Variants in ADAMTSL1 observed in about 807,000 individuals in gnomAD.
ADAMTSL1 encodes ADAMTS-like protein 1.
Under a neutral mutation model 201.8 loss-of-function variants are expected in ADAMTSL1, and 126 were observed. That is an observed-to-expected ratio of 0.62 (90% CI 0.54 to 0.72). The LOEUF is 0.72. ADAMTSL1 is among the 30% of genes least tolerant of loss of function. The probability of loss-of-function intolerance (pLI) is 0.00; values close to 1 mark genes in which losing one functional copy is unlikely to be tolerated. For synonymous variants in ADAMTSL1, 1,121 were observed against 903.4 expected (o/e 1.24, Z -4.32); for missense variants, 2,679 against 2,277.8 (o/e 1.18, Z -3.59).
At chr9:18,501,024 T>C (rs998729602) in intron 1 of ADAMTSL1, among the ~76,000 whole-genome samples, 2 of 152,188 alleles carry the variant, frequency 1.3e-5, no homozygotes, top group Non-Finnish European at 1.5e-5. Context: ...CGAAAATCAT[T>C]GAAAAACATT....
rs1488639600 is a variant in ADAMTSL1, at chr9:18,905,734, C to T, written c.4852-48C>T. On this transcript the variant is annotated intron_variant, in intron 26 of 28. Coordinates refer to ENST00000380548, the MANE Select transcript of ADAMTSL1 (RefSeq NM_001040272.6). ...TGCAGCCCAAGCACGGCGGCCTCCA[C>T]CCTTGACTTGGCTAATGTGCGGTAT... The T allele has an allele frequency of 2.0e-5, 30 of 1,514,616 alleles. No homozygotes were observed. In the Middle Eastern group the frequency reaches 7.1e-4, roughly 36 times the overall value. 93.8% of individuals were successfully genotyped at this position (1,514,616 alleles called of 1,614,324 possible). A position where few individuals can be genotyped will look rare whatever the true frequency, so the allele number is the denominator to read the frequency against.
chr9:18,131,895 CT>C (rs1825968061), intron 1 of ADAMTSL1, among the ~76,000 whole-genome samples: 1 of 151,022 alleles, frequency 6.6e-6, no homozygotes, highest in Non-Finnish European at 1.5e-5. Context: ...GTGAGATGAA[CT>C]GATCATAGTG....
At chr9:18,639,733 A>G (rs1827329551) in intron 7 of ADAMTSL1, among the ~76,000 whole-genome samples, 1 of 152,106 alleles carries the variant, frequency 6.6e-6, no homozygotes, top group African/African-American at 2.4e-5. Flanking sequence ...GGATACAGTC[A>G]TTGACTTATA....
At chr9:18,800,845 T>C (rs897291518) in intron 20 of ADAMTSL1, among the ~76,000 whole-genome samples, 7 of 152,194 alleles carry the variant, frequency 4.6e-5, no homozygotes, top group African/African-American at 1.7e-4. Flanking sequence ...TGGCTAGGAC[T>C]CTGTAGTGGA....
At chr9:18,011,262 C>G (rs897756202) in intron 1 of ADAMTSL1, among the ~76,000 whole-genome samples, 1 of 151,992 alleles carries the variant, frequency 6.6e-6, no homozygotes, top group African/African-American at 2.4e-5. Context: ...AAAATACTAC[C>G]TAAACTTTTG....
intron 4 of ADAMTSL1, among the ~76,000 whole-genome samples, chr9:18,575,009 A>G (rs1344690449): frequency 1.3e-5 from 2 of 152,150 alleles, no homozygotes; most frequent in Non-Finnish European, 2.9e-5. Context: ...TGTGTGCTGT[A>G]TTTGACTATA....
intron 9 of ADAMTSL1, among the ~76,000 whole-genome samples, chr9:18,672,831 A>T (rs1410837740): frequency 6.6e-6 from 1 of 152,154 alleles, no homozygotes; most frequent in Non-Finnish European, 1.5e-5. Flanking sequence ...ATGAGGTGGG[A>T]TGCCTTTTCT....
chr9:18,706,993 G>C lies in ADAMTSL1; in HGVS notation c.1821G>C (p.Glu607Asp). Residue 607 changes from glutamate (E) to aspartate (D), a missense_variant, in exon 14 of 29, where the codon GAG becomes GAC. Physicochemically the swap from Glu to Asp is conservative, Grantham distance 45. Transcript: ENST00000380548. ...TTGGTGGCCTGCAGGATTTCGACGAGCTGTATGACTGGGAGTATGAGGGGT... is the reference window on the plus strand; with the variant it reads ...TTGGTGGCCTGCAGGATTTCGACGACCTGTATGACTGGGAGTATGAGGGGT... Reference protein sequence around the residue: ...GLFGGLQDFDELYDWEYEGFT... With the variant: ...GLFGGLQDFDDLYDWEYEGFT... 1 of 1,613,968 alleles carries C rather than the reference G, an allele frequency of 6.2e-7. No individual in the cohort carries two copies. Among genetic ancestry groups the C allele is most frequent in the Non-Finnish European group, 8.5e-7 (1 of 1,179,890 alleles).
At chr9:18,640,152 A>C (rs569095935) in intron 7 of ADAMTSL1, among the ~76,000 whole-genome samples, 17 of 152,256 alleles carry the variant, frequency 1.1e-4, no homozygotes, top group African/African-American at 4.1e-4. Context: ...TGGAAGTAAG[A>C]ATGCATATAG....
intron 15 of ADAMTSL1, among the ~76,000 whole-genome samples, chr9:18,747,179 G>A (rs1160624051): frequency 3.3e-5 from 5 of 152,142 alleles, no homozygotes; most frequent in African/African-American, 1.2e-4. Flanking sequence ...GAGCCAGGCC[G>A]CCTAAGTTTG....
At chr9:18,182,489 A>G (rs1008900184) in intron 2 of ADAMTSL1, among the ~76,000 whole-genome samples, 1 of 152,214 alleles carries the variant, frequency 6.6e-6, no homozygotes, top group African/African-American at 2.4e-5. Flanking sequence ...AGTTTAAAAA[A>G]GAGTGGAGGC....
chr9:18,094,549 A>G (rs1824159850), intron 1 of ADAMTSL1, among the ~76,000 whole-genome samples: 1 of 151,914 alleles, frequency 6.6e-6, no homozygotes, highest in African/African-American at 2.4e-5. Context: ...TTTCTTAAAG[A>G]TGACTCTGCC....
At chr9:18,323,180 T>G (rs1834694455) in intron 2 of ADAMTSL1, among the ~76,000 whole-genome samples, 1 of 152,158 alleles carries the variant, frequency 6.6e-6, no homozygotes, top group Non-Finnish European at 1.5e-5. Flanking sequence ...CTAAAAAAGA[T>G]TAATAGAACA....
intron 1 of ADAMTSL1, among the ~76,000 whole-genome samples, chr9:18,480,576 G>A (rs1166139654): frequency 1.3e-5 from 2 of 152,166 alleles, no homozygotes; most frequent in East Asian, 3.8e-4. Context: ...TGAAAACCCT[G>A]AAATTTTGGG....
intron 1 of ADAMTSL1, among the ~76,000 whole-genome samples, chr9:18,021,321 G>A (rs1820472712): frequency 6.6e-6 from 1 of 152,104 alleles, no homozygotes; most frequent in Non-Finnish European, 1.5e-5. Flanking sequence ...TTGAAATGTG[G>A]TTTGTAACAA....
intron 7 of ADAMTSL1, among the ~76,000 whole-genome samples, chr9:18,640,515 T>C (rs575156599): frequency 2.0e-4 from 30 of 152,062 alleles, no homozygotes; most frequent in Non-Finnish European, 2.9e-4. Flanking sequence ...ATTGCTTACA[T>C]TGGAACAGCT....
chr9:18,726,396 A>G (rs1256654521), intron 15 of ADAMTSL1, among the ~76,000 whole-genome samples: 1 of 151,952 alleles, frequency 6.6e-6, no homozygotes, highest in Admixed American at 6.6e-5. Flanking sequence ...CTGTAGTCAT[A>G]GCTACTTGGG....
chr9:18,848,621 C>A (rs956664929), intron 23 of ADAMTSL1, among the ~76,000 whole-genome samples: 3 of 152,190 alleles, frequency 2.0e-5, no homozygotes, highest in African/African-American at 7.2e-5. Context: ...GCCCTCCATG[C>A]AGCCTCTTGG....
chr9:18,845,171 G>C (rs910773665), intron 23 of ADAMTSL1, among the ~76,000 whole-genome samples: 1 of 152,082 alleles, frequency 6.6e-6, no homozygotes, highest in African/African-American at 2.4e-5. Context: ...GTTCCTATTC[G>C]GCCATCTTGG....
Sources: allele counts gnomAD v4.1 joint callset (sites outside exome capture counted in the v4.1 genomes callset), GRCh38; gene constraint gnomAD v4.1.1; transcripts MANE v1.5; gene names NCBI Gene and HGNC (gene_info 2026-07-23, HGNC 2026-07-21).